The following CDC20B variants were observed in gnomAD, a reference collection of about 807,000 sequenced individuals.
CDC20B encodes cell division cycle 20B.
In CDC20B, 58 loss-of-function variants were observed where a neutral mutation model predicts 64.1. The observed-to-expected ratio is 0.90, with a 90% CI of 0.73 to 1.13. The LOEUF (loss-of-function observed/expected upper bound fraction) is 1.13, where lower values mean the gene tolerates loss of function less well. Ranked by LOEUF, CDC20B falls within the 50% of genes most tolerant of loss-of-function variation. The pLI is 0.00. For missense variants in CDC20B, 597 were observed against 633.0 expected, an observed-to-expected ratio of 0.94 and a Z score of 0.61; for synonymous variants, 243 against 230.6, an observed-to-expected ratio of 1.05 and a Z score of -0.49.
chr5:55,130,087 A>G (rs1742991896), intron 6 of CDC20B, among the ~76,000 whole-genome samples: 1 of 152,228 alleles, frequency 6.6e-6, no homozygotes, highest in African/African-American at 2.4e-5. Flanking sequence ...GAAAATTTAT[A>G]TGAAACTTTA....
intron 1 of CDC20B, 83 bp downstream of exon 1, chr5:55,172,855 T>G: frequency 7.4e-7 from 1 of 1,343,368 alleles, no homozygotes; most frequent in Non-Finnish European, 1.0e-6. Flanking sequence ...GTACCACCTC[T>G]TGGTCCTAAA....
At chr5:55,151,178 C>CACATCGTCT (rs2111901306) in intron 2 of CDC20B, among the ~76,000 whole-genome samples, 1 of 152,282 alleles carries the variant, frequency 6.6e-6, no homozygotes, top group South Asian at 2.1e-4. Context: ...TGTGTTTTAG[C>CACATCGTCT]CACAGCAAGA....
chr5:55,131,754 T>C (rs1743036602), intron 6 of CDC20B, among the ~76,000 whole-genome samples: 1 of 152,136 alleles, frequency 6.6e-6, no homozygotes, highest in Admixed American at 6.5e-5. Flanking sequence ...AGTTGTACTG[T>C]CAAAGGGAGG....
At chr5:55,148,362 A>C (rs998912352) in intron 2 of CDC20B, among the ~76,000 whole-genome samples, 5 of 152,190 alleles carry the variant, frequency 3.3e-5, no homozygotes, top group African/African-American at 1.2e-4. Flanking sequence ...TGTGCGTCAA[A>C]AGCCTTCATA....
chr5:55,137,301 G>A (rs145938890), intron 5 of CDC20B: 22 of 305,122 alleles, frequency 7.2e-5, no homozygotes, highest in Non-Finnish European at 1.2e-4. Context: ...CCCTGATAAC[G>A]CTCACAACAC....
At chr5:55,146,878 TG>T in intron 2 of CDC20B, 22 bp from the exon 3 acceptor site, 1 of 1,589,588 alleles carries the variant, frequency 6.3e-7, no homozygotes, top group African/African-American at 1.3e-5. Context: ...CAAAAACAGC[TG>T]TAAGTCCACT....
intron 6 of CDC20B, 100 bp from the exon 7 acceptor site, chr5:55,128,717 C>CT: frequency 1.2e-6 from 1 of 809,940 alleles, no homozygotes; most frequent in Non-Finnish European, 1.8e-6. Flanking sequence ...TAATACCATC[C>CT]CCATGGTTAG....
At chr5:55,132,682 T>C (rs930416092) in intron 6 of CDC20B, among the ~76,000 whole-genome samples, 3 of 152,262 alleles carry the variant, frequency 2.0e-5, no homozygotes, top group Non-Finnish European at 4.4e-5. Context: ...TTTCCTTTGA[T>C]GTTTCTCTTA....
chr5:55,124,700 G>T (rs529476556), intron 9 of CDC20B, 103 bp downstream of exon 9: 3 of 1,026,496 alleles, frequency 2.9e-6, no homozygotes, highest in East Asian at 5.3e-5. Context: ...TCTAGAGAAA[G>T]AAAAATCTCA....
intron 2 of CDC20B, among the ~76,000 whole-genome samples, chr5:55,157,483 C>G (rs140463370): frequency 6.6e-6 from 1 of 152,300 alleles, no homozygotes; most frequent in Admixed American, 6.5e-5. Context: ...TTATTTGAAG[C>G]TCTTAAGCCT....
intron 6 of CDC20B, among the ~76,000 whole-genome samples, chr5:55,129,216 T>C (rs1367363214): frequency 6.6e-6 from 1 of 152,164 alleles, no homozygotes. Flanking sequence ...TAAAACTAAG[T>C]AGCACACCAG....
At chr5:55,130,815 T>G (rs1444240614) in intron 6 of CDC20B, among the ~76,000 whole-genome samples, 1 of 152,184 alleles carries the variant, frequency 6.6e-6, no homozygotes, top group Non-Finnish European at 1.5e-5. Context: ...GTTTTCAGTG[T>G]ATGTAAATAT....
Position 55,129,684 on chromosome 5 carries a change from C to T in CDC20B, c.698-1067G>A, listed in dbSNP as rs532254840. Among the ~76,000 whole-genome samples the T allele has an allele frequency of 7.9e-5, 12 of 152,290 alleles. No homozygotes were observed. In the East Asian group the frequency reaches 1.7e-3, roughly 22 times the overall value. ...TCACCTTAGTAAAGGCTTTAAGAAA[C>T]GAACTGAGATTTGAAACATCCATAC... On this transcript the variant is annotated intron_variant, in intron 6 of 11. Coordinates refer to ENST00000381375, the MANE Select transcript of CDC20B (RefSeq NM_001170402.1).
intron 4 of CDC20B, among the ~76,000 whole-genome samples, chr5:55,141,888 C>T (rs1743339890): frequency 6.6e-6 from 1 of 152,104 alleles, no homozygotes; most frequent in South Asian, 2.1e-4. Flanking sequence ...GATGCTCTCC[C>T]CCTGAGTTGT....
chr5:55,153,792 A>G (rs1328270990), intron 2 of CDC20B, among the ~76,000 whole-genome samples: 1 of 152,252 alleles, frequency 6.6e-6, no homozygotes, highest in Non-Finnish European at 1.5e-5. Context: ...ATTTAATTCA[A>G]TAAAGTTGCA....
intron 2 of CDC20B, among the ~76,000 whole-genome samples, chr5:55,156,646 C>T (rs1051076920): frequency 2.6e-5 from 4 of 152,040 alleles, no homozygotes; most frequent in Non-Finnish European, 5.9e-5. Context: ...GAGGCCGAGG[C>T]GGGCAGCTCA....
rs761988621 is a variant in CDC20B at position 55,161,128 on chromosome 5, ATCGGAG to A, written c.126+11454_126+11459del. On this transcript the variant is annotated intron_variant, in intron 2 of 11. Coordinates refer to ENST00000381375, the MANE Select transcript of CDC20B (RefSeq NM_001170402.1). ...CTTTTCCCTGCAATCAGTTTGGAGA[ATCGGAG>A]CCCCGCCCAAGCAAGGAAGTAGAAT... is the stretch of plus-strand genomic sequence containing the variant. The A allele has an allele frequency of 1.9e-6, 3 of 1,614,118 alleles. No individual in the cohort carries two copies. The African/African-American group carries it at 4.0e-5, about 22-fold the overall frequency.
At chr5:55,159,857 T>A (rs546021199) in intron 2 of CDC20B, among the ~76,000 whole-genome samples, 3 of 152,232 alleles carry the variant, frequency 2.0e-5, no homozygotes, top group Non-Finnish European at 4.4e-5. Context: ...CAGCTTAGCA[T>A]GGGGAATGAG....
At chr5:55,127,121 T>C (rs1742911592) in intron 8 of CDC20B, 136 bp downstream of exon 8, 2 of 717,742 alleles carry the variant, frequency 2.8e-6, no homozygotes, top group Non-Finnish European at 4.7e-6. Flanking sequence ...GGTGGGATCA[T>C]ACCTGATATT....
Sources: allele counts gnomAD v4.1 joint callset (sites outside exome capture counted in the v4.1 genomes callset), GRCh38; gene constraint gnomAD v4.1.1; transcripts MANE v1.5; gene names NCBI Gene and HGNC (gene_info 2026-07-23, HGNC 2026-07-21).